Variants in DLGAP1 observed in about 807,000 individuals in gnomAD.
The protein encoded by DLGAP1 is DLG associated protein 1.
DLGAP1 carries 11 observed loss-of-function variants against 90.8 expected under a neutral mutation model. The observed-to-expected ratio is 0.12, with a 90% CI of 0.08 to 0.20. DLGAP1 has a LOEUF of 0.20. DLGAP1 is among the 10% of genes least tolerant of loss of function. The pLI, the probability that DLGAP1 is intolerant of heterozygous loss-of-function variation, is 1.00. For synonymous variants in DLGAP1, 558 were observed against 540.7 expected (o/e 1.03, Z -0.44); for missense variants, 1,050 against 1,333.8 (o/e 0.79, Z 3.31).
At chr18:4,144,078 G>A (rs1393189457) in intron 2 of DLGAP1, among the ~76,000 whole-genome samples, 1 of 152,120 alleles carries the variant, frequency 6.6e-6, no homozygotes, top group Non-Finnish European at 1.5e-5. Context: ...TACTGGGGGA[G>A]GGGTGGCATA....
intron 7 of DLGAP1, among the ~76,000 whole-genome samples, chr18:3,674,686 A>G (rs1334141008): frequency 2.0e-5 from 3 of 151,958 alleles, no homozygotes; most frequent in African/African-American, 7.2e-5. Flanking sequence ...TACCTCTACT[A>G]TAATCACTTC....
At chr18:3,820,702 G>GA (rs1162893972) in intron 4 of DLGAP1, among the ~76,000 whole-genome samples, 1 of 152,182 alleles carries the variant, frequency 6.6e-6, no homozygotes, top group African/African-American at 2.4e-5. Flanking sequence ...TGACATTCAT[G>GA]AAAAAATCTG....
chr18:3,986,233 T>C (rs1351996726), intron 3 of DLGAP1: 1 of 152,192 alleles, frequency 6.6e-6, no homozygotes, highest in African/African-American at 2.4e-5. Flanking sequence ...GTAGAAGCCA[T>C]TTATTTTAAT....
chr18:4,240,351 A>C lies in DLGAP1; in HGVS notation c.-266-89064T>G, dbSNP rs564469350. 1.0e-3 allele frequency among the ~76,000 whole-genome samples: 159 copies of C among 152,258 alleles called. 3 individuals are homozygous for C. The South Asian group carries it at 0.015, about 15-fold the overall frequency. ...TAAGAATGACCACTATAATGCCTTA[A>C]CTTTATTTACCAAATACACTGCTAG... On this transcript the variant is annotated intron_variant, in intron 1 of 12. Coordinates refer to ENST00000315677, the MANE Select transcript of DLGAP1 (RefSeq NM_004746.4).
rs1215927235 is a variant in DLGAP1, at chr18:3,568,992, A to ATTATT, written c.1966-1416_1966-1412dup. 2.4e-4 allele frequency among the ~76,000 whole-genome samples: 35 copies of ATTATT among 146,580 alleles called. 1 individual carries two copies. The highest frequency in any genetic ancestry group is 4.8e-4 in the Admixed American group (7 of 14,520). On this transcript the variant is annotated intron_variant, in intron 8 of 12. Coordinates refer to ENST00000315677, the MANE Select transcript of DLGAP1 (RefSeq NM_004746.4). The stretch of plus-strand genomic sequence containing the variant: ...TGAGCCACCACGCCTGGCCTAAATG[A>ATTATT]TTATTTTATTTTATTTTATTTTATT...
intron 3 of DLGAP1, among the ~76,000 whole-genome samples, chr18:3,907,157 G>A (rs1250521671): frequency 7.5e-6 from 1 of 132,764 alleles, no homozygotes; most frequent in African/African-American, 2.7e-5. Context: ...GCAGGGCGGG[G>A]GTCCTGGGAC....
At chr18:3,542,474 C>A (rs1039003224) in intron 9 of DLGAP1, among the ~76,000 whole-genome samples, 4 of 152,212 alleles carry the variant, frequency 2.6e-5, no homozygotes, top group African/African-American at 9.7e-5. Flanking sequence ...AGAGTTCTCG[C>A]AGCAACACTG....
At chr18:3,803,253 A>G (rs1204376858) in intron 5 of DLGAP1, among the ~76,000 whole-genome samples, 1 of 152,134 alleles carries the variant, frequency 6.6e-6, no homozygotes, top group East Asian at 1.9e-4. Context: ...AGGCTAGATG[A>G]GCACAGCCAG....
At chr18:3,591,262 A>C (rs947770310) in intron 7 of DLGAP1, among the ~76,000 whole-genome samples, 3 of 152,224 alleles carry the variant, frequency 2.0e-5, no homozygotes, top group African/African-American at 7.2e-5. Context: ...AAAGAAAAAA[A>C]AGAAACTTGG....
intron 5 of DLGAP1, among the ~76,000 whole-genome samples, chr18:3,799,155 C>T (rs1414768458): frequency 6.6e-6 from 1 of 152,180 alleles, no homozygotes; most frequent in Non-Finnish European, 1.5e-5. Context: ...CAGGCGTGAG[C>T]CACTGTGTCC....
intron 1 of DLGAP1, among the ~76,000 whole-genome samples, chr18:4,155,809 A>G (rs1420030939): frequency 6.6e-6 from 1 of 152,148 alleles, no homozygotes; most frequent in African/African-American, 2.4e-5. Flanking sequence ...AAAGGGGGCC[A>G]TGGCAGGAGT....
intron 2 of DLGAP1, among the ~76,000 whole-genome samples, chr18:4,062,369 C>T (rs1305419814): frequency 1.3e-5 from 2 of 150,910 alleles, no homozygotes; most frequent in African/African-American, 2.4e-5. Context: ...GGAAAACTGG[C>T]CTCATACCTC....
intron 1 of DLGAP1, among the ~76,000 whole-genome samples, chr18:4,414,049 C>G (rs2082839021): frequency 6.6e-6 from 1 of 152,192 alleles, no homozygotes; most frequent in Admixed American, 6.5e-5. Context: ...GACTGAGACA[C>G]TGACTATGTG....
rs140573614 is a variant in DLGAP1, at chr18:4,225,177, A to G, written c.-266-73890T>C. 3.2e-3 allele frequency among the ~76,000 whole-genome samples: 494 copies of G among 152,312 alleles called. 3 individuals are homozygous for G. Among genetic ancestry groups the G allele is most frequent in the African/African-American group, 0.01 (431 of 41,576 alleles). ...TAGCCAGAGGGGAATCATCCATTTCAGCGGTCAGATCTTCAAGCCTCTATG... is the reference window on the plus strand; with the variant it reads ...TAGCCAGAGGGGAATCATCCATTTCGGCGGTCAGATCTTCAAGCCTCTATG... On this transcript the variant is annotated intron_variant, in intron 1 of 12. Coordinates refer to ENST00000315677, the MANE Select transcript of DLGAP1 (RefSeq NM_004746.4).
At position 3,879,733 on chromosome 18, in the gene DLGAP1, T is replaced by C. The variant is rs1303087024; in HGVS notation, c.336A>G (p.Pro112=). The C allele has an allele frequency of 6.2e-7, 1 of 1,607,426 alleles. No homozygotes were observed. Among genetic ancestry groups the C allele is most frequent in the Non-Finnish European group, 8.5e-7 (1 of 1,179,686 alleles). Residue 112 remains proline (P), a synonymous_variant, in exon 4 of 13, where the codon CCA becomes CCG. Coordinates refer to ENST00000315677, the MANE Select transcript of DLGAP1 (RefSeq NM_004746.4). This position sits in a 1 kb window ranked among gnomAD's most constrained non-coding sequence, Gnocchi z 6.6. Reference sequence around the variant, plus strand: ...GGGTGTGATAGCCATCGCGGCTGAGTGGCAGCTGCCGCTCGAACTGGTCCA... The same window carrying C: ...GGGTGTGATAGCCATCGCGGCTGAGCGGCAGCTGCCGCTCGAACTGGTCCA... ...NLLDQFERQL[P]LSRDGYHTLQ... is the part of the protein sequence containing the mutation.
intron 2 of DLGAP1, among the ~76,000 whole-genome samples, chr18:4,119,673 A>G (rs1442449609): frequency 6.6e-6 from 1 of 152,222 alleles, no homozygotes; most frequent in East Asian, 1.9e-4. Flanking sequence ...CAAGCTAAAA[A>G]GAGTGAATTA....
In DLGAP1 at chr18:3,499,725, A is replaced by G. The variant is rs377426138; in HGVS notation, c.2725-331T>C. ...GAGTGCGGTTCTCTCTGGAGACTCC[A>G]GACTCCTCCTGGTGCCAGAGATGGG... On this transcript the variant is annotated intron_variant, in intron 12 of 12. Coordinates refer to ENST00000315677, the MANE Select transcript of DLGAP1 (RefSeq NM_004746.4). The surrounding 1 kb of genome is among the most constrained non-coding windows in gnomAD (Gnocchi z 6.4). Among the ~76,000 whole-genome samples the G allele has an allele frequency of 6.1e-4, 93 of 152,296 alleles. No homozygotes were observed. The highest frequency in any genetic ancestry group is 2.2e-3 in the African/African-American group (91 of 41,554).
At chr18:4,437,431 G>T (rs2144797111) in intron 1 of DLGAP1, among the ~76,000 whole-genome samples, 1 of 152,268 alleles carries the variant, frequency 6.6e-6, no homozygotes, top group South Asian at 2.1e-4. Context: ...CCAAGTCTCT[G>T]GTATAAAATG....
intron 4 of DLGAP1, among the ~76,000 whole-genome samples, chr18:3,869,740 G>C (rs1000680856): frequency 4.6e-5 from 7 of 152,144 alleles, no homozygotes; most frequent in Non-Finnish European, 7.4e-5. Flanking sequence ...CCCAATGCCA[G>C]CTTAATAAAA....
Sources: allele counts gnomAD v4.1 joint callset (sites outside exome capture counted in the v4.1 genomes callset), GRCh38; gene constraint gnomAD v4.1.1; non-coding constraint Gnocchi (gnomAD v3.1); transcripts MANE v1.5; gene names NCBI Gene and HGNC (gene_info 2026-07-23, HGNC 2026-07-21).